Variants in RANBP2 observed in about 807,000 individuals in gnomAD.
RANBP2 encodes the protein E3 SUMO-protein ligase RanBP2.
Under a neutral mutation model 303.6 loss-of-function variants are expected in RANBP2, and 57 were observed. The ratio of observed to expected loss-of-function variants is 0.19; its 90% CI spans 0.15 to 0.23. The LOEUF (loss-of-function observed/expected upper bound fraction) is 0.23. Ranked by LOEUF, RANBP2 falls within the 10% of genes least tolerant of loss-of-function variation. RANBP2 has a pLI of 1.00. For synonymous variants in RANBP2, 1,167 were observed against 1,301.5 expected, an observed-to-expected ratio of 0.90 and a Z score of 2.23; for missense variants, 3,138 against 3,780.8, an observed-to-expected ratio of 0.83 and a Z score of 4.46.
the RANBP2 span, among the ~76,000 whole-genome samples, chr2:108,816,460 AAAC>A: frequency 6.6e-6 from 1 of 152,084 alleles, no homozygotes; most frequent in African/African-American, 2.4e-5. Context: ...CAAAAGAAAA[AAAC>A]AAAAAACAAA....
At chr2:108,719,939 C>G (rs1167527869) in intron 1 of RANBP2, among the ~76,000 whole-genome samples, 1 of 151,408 alleles carries the variant, frequency 6.6e-6, no homozygotes. Context: ...CGACGGTGCT[C>G]GCTCCTGGGG....
At chr2:109,424,613 A>G in the RANBP2 span, among the ~76,000 whole-genome samples, 1 of 152,088 alleles carries the variant, frequency 6.6e-6, no homozygotes, top group Admixed American at 6.5e-5. Context: ...AAACTTTTTC[A>G]TTATATCTTT....
the RANBP2 span, among the ~76,000 whole-genome samples, chr2:109,579,663 A>G: frequency 1.3e-5 from 2 of 150,968 alleles, no homozygotes; most frequent in Non-Finnish European, 2.9e-5. Flanking sequence ...GATTACAGGC[A>G]TGAGCCACCA....
the RANBP2 span, among the ~76,000 whole-genome samples, chr2:109,006,738 C>A: frequency 6.6e-6 from 1 of 152,130 alleles, no homozygotes; most frequent in Non-Finnish European, 1.5e-5. Flanking sequence ...GCCCAACAGC[C>A]CTGGCTGGAA....
At chr2:109,151,019 T>C in the RANBP2 span, among the ~76,000 whole-genome samples, 1 of 152,180 alleles carries the variant, frequency 6.6e-6, no homozygotes, top group Non-Finnish European at 1.5e-5. Context: ...ACACTGCTTA[T>C]GGAGTGCAAT....
chr2:109,609,834 A>G, the RANBP2 span, among the ~76,000 whole-genome samples: 1 of 152,214 alleles, frequency 6.6e-6, no homozygotes, highest in East Asian at 1.9e-4. Context: ...AAAGGTAAGG[A>G]TAACTGAAGA....
chr2:108,957,322 C>A, the RANBP2 span, among the ~76,000 whole-genome samples: 1 of 152,216 alleles, frequency 6.6e-6, no homozygotes, highest in Non-Finnish European at 1.5e-5. Flanking sequence ...GCAGAGATGA[C>A]CCTGTTTGAA....
chr2:109,229,999 TA>T, the RANBP2 span, among the ~76,000 whole-genome samples: 1 of 151,758 alleles, frequency 6.6e-6, no homozygotes, highest in Non-Finnish European at 1.5e-5. Flanking sequence ...TAATTTTTTG[TA>T]TATTTAGTAG....
At chr2:109,300,339 C>A in the RANBP2 span, among the ~76,000 whole-genome samples, 1 of 152,114 alleles carries the variant, frequency 6.6e-6, no homozygotes, top group Non-Finnish European at 1.5e-5. Context: ...GCCACCATGT[C>A]TGGCTAATTT....
At position 108,740,699 on chromosome 2, in the gene RANBP2, A is replaced by G. The variant is rs559566991; in HGVS notation, c.975+18A>G. The stretch of plus-strand genomic sequence containing the variant: ...CATTTCAGGTAAGTCTTCCACTTGT[A>G]GGAGCAATTGACATTTCACTGAGTC... On this transcript the variant is annotated intron_variant, in intron 7 of 28. Transcript: ENST00000283195. 6.3e-7 allele frequency: 1 copy of G among 1,597,472 alleles called. No individual in the cohort carries two copies. The highest frequency in any genetic ancestry group is 1.3e-5 in the African/African-American group (1 of 74,932).
the RANBP2 span, among the ~76,000 whole-genome samples, chr2:109,442,766 A>G: frequency 1.3e-5 from 2 of 152,254 alleles, no homozygotes; most frequent in African/African-American, 4.8e-5. Flanking sequence ...GAAAACATCC[A>G]AAAGAAAGCA....
the RANBP2 span, among the ~76,000 whole-genome samples, chr2:108,807,420 A>G: frequency 5.3e-5 from 8 of 152,196 alleles, no homozygotes; most frequent in Non-Finnish European, 1.0e-4. Flanking sequence ...TATGGGGTAC[A>G]GTGATATTTG....
chr2:108,720,266 C>T (rs898411536), intron 1 of RANBP2: 5 of 902,628 alleles, frequency 5.5e-6, no homozygotes, highest in Non-Finnish European at 6.6e-6. Flanking sequence ...TTGTCGCTGT[C>T]CCTTTGTAAG....
At chr2:109,767,334 A>G in the RANBP2 span, among the ~76,000 whole-genome samples, 1 of 149,452 alleles carries the variant, frequency 6.7e-6, no homozygotes, top group Non-Finnish European at 1.5e-5. Context: ...TTAGTCGTGC[A>G]TCATAGTCCA....
chr2:109,086,601 AACCTTTGTAAAGT>A, the RANBP2 span, among the ~76,000 whole-genome samples: 3 of 152,104 alleles, frequency 2.0e-5, no homozygotes, highest in African/African-American at 7.2e-5. Flanking sequence ...AGTCTTCTGC[AACCTTTGTAAAGT>A]GCAGGCTCTG....
the RANBP2 span, chr2:109,565,628 G>A: frequency 1.3e-6 from 1 of 767,176 alleles, no homozygotes. Context: ...CCAGACTTTG[G>A]CTAAAATAGT....
chr2:109,693,614 C>T, the RANBP2 span, among the ~76,000 whole-genome samples: 12 of 152,330 alleles, frequency 7.9e-5, no homozygotes, highest in East Asian at 5.8e-4. Context: ...CCACGTAAGA[C>T]GTGACTTTCA....
At chr2:109,263,146 G>A in the RANBP2 span, among the ~76,000 whole-genome samples, 2 of 152,066 alleles carry the variant, frequency 1.3e-5, no homozygotes, top group South Asian at 2.1e-4. Context: ...ACGCCCAGCC[G>A]CAATCACTTT....
the RANBP2 span, among the ~76,000 whole-genome samples, chr2:109,458,601 A>AGAGAGAGAGAGAG: frequency 1.3e-4 from 19 of 148,972 alleles, no homozygotes; most frequent in South Asian, 2.1e-4. Flanking sequence ...AGAGAGAGAG[A>AGAGAGAGAGAGAG]ATTTATTTAT....
Sources: gnomAD v4.1 joint callset for allele counts (sites outside exome capture counted in the v4.1 genomes callset) on GRCh38, gnomAD v4.1.1 for gene constraint, MANE v1.5 for transcripts, NCBI Gene and HGNC (gene_info 2026-07-23, HGNC 2026-07-21) for gene names.